The following RDH12 variants were observed in gnomAD, a reference collection of about 807,000 sequenced individuals.
RDH12 encodes all-trans and 9-cis retinol dehydrogenase.
RDH12 carries 21 observed loss-of-function variants against 34.0 expected under a neutral mutation model. The observed-to-expected ratio is 0.62, with a 90% CI of 0.44 to 0.89. RDH12 has a LOEUF of 0.89. RDH12 is among the 40% of genes least tolerant of loss of function. The probability of loss-of-function intolerance (pLI) is 0.00; values close to 1 mark genes in which losing one functional copy is unlikely to be tolerated. For synonymous variants in RDH12, 198 were observed against 169.9 expected (o/e 1.17, Z -1.29); for missense variants, 394 against 398.6 (o/e 0.99, Z 0.10).
chr14:67,719,381 AG>A (rs2038099764), intron 1 of RDH12, among the ~76,000 whole-genome samples: 1 of 152,254 alleles, frequency 6.6e-6, no homozygotes, highest in Admixed American at 6.5e-5. Flanking sequence ...GTAAGCCATC[AG>A]TCTTAAGACC....
In RDH12 at chr14:67,726,114, C is replaced by T. The variant is rs1206574200; in HGVS notation, c.407C>T (p.Thr136Ile). 1 of 1,613,948 alleles carries T rather than the reference C, an allele frequency of 6.2e-7. No individual in the cohort carries two copies. The highest frequency in any genetic ancestry group is 8.5e-7 in the Non-Finnish European group (1 of 1,179,928). ...AGVMMCPYSKTADGFETHLGV... is the reference protein window; with the variant it reads ...AGVMMCPYSKIADGFETHLGV... Reference sequence around the variant, plus strand: ...GTAATGATGTGTCCATATTCCAAGACAGCTGATGGCTTTGAAACCCACCTG... The same window carrying T: ...GTAATGATGTGTCCATATTCCAAGATAGCTGATGGCTTTGAAACCCACCTG... The change falls in exon 6 of 9, where the codon ACA (threonine) becomes ATA (isoleucine). Residue 136 changes from threonine to isoleucine, a missense_variant. Thr to Ile is a moderately conservative substitution (Grantham distance 89, BLOSUM62 -1). Transcript: ENST00000551171.
intron 1 of RDH12, chr14:67,706,001 G>A (rs2037946655): frequency 1.3e-5 from 2 of 152,236 alleles, no homozygotes; most frequent in South Asian, 2.1e-4. Flanking sequence ...TTGGGAGGAT[G>A]AGGTAGAAAG....
In RDH12 at chr14:67,733,886, T is replaced by C; in HGVS notation, c.*38T>C. The C allele has an allele frequency of 6.7e-7, 1 of 1,481,514 alleles. No homozygotes were observed. 91.8% of individuals were successfully genotyped at this position (1,481,514 alleles called of 1,614,324 possible). On this transcript the variant is annotated 3_prime_UTR_variant, in exon 9 of 9. Coordinates refer to ENST00000551171, the MANE Select transcript of RDH12 (RefSeq NM_152443.3). ...CTGCAGCTTTATCAGGCCCAATCCA[T>C]GCCATAATGAACAGGGACCAAGGAG...
At chr14:67,714,301 A>AT (rs931212419) in intron 1 of RDH12, among the ~76,000 whole-genome samples, 43 of 150,102 alleles carry the variant, frequency 2.9e-4, no homozygotes, top group Non-Finnish European at 4.6e-4. Context: ...TGGCCAGCTA[A>AT]TTTTTTTTTC....
In RDH12 at chr14:67,724,512, G is replaced by T; in HGVS notation, c.108G>T (p.Gln36His). ...FAGGVCRTNV[Q>H]LPGKVVVITG... Reference sequence around the variant, plus strand: ...GTGGAGTGTGTAGAACAAATGTGCAGCTTCCTGGCAAGGTAGTGGTGATCA... The same window carrying T: ...GTGGAGTGTGTAGAACAAATGTGCATCTTCCTGGCAAGGTAGTGGTGATCA... The change falls in exon 4 of 9, where the codon CAG (glutamine) becomes CAT (histidine). Residue 36 changes from glutamine to histidine, a missense_variant. By Grantham distance (24) the Gln-to-His change is conservative. Transcript: ENST00000551171. 1 of 1,612,264 alleles carries T rather than the reference G, an allele frequency of 6.2e-7. No homozygotes were observed. Among genetic ancestry groups the T allele is most frequent in the Non-Finnish European group, 8.5e-7 (1 of 1,179,042 alleles).
chr14:67,727,057 G>C lies in RDH12; in HGVS notation c.525G>C (p.Ser175=). The C allele has an allele frequency of 6.2e-7, 1 of 1,614,018 alleles. No homozygotes were observed. Among genetic ancestry groups the C allele is most frequent in the Non-Finnish European group, 8.5e-7 (1 of 1,180,038 alleles). ...SAPARVVNVS[S]VAHHIGKIPF... ...CTGCACGGGTGGTTAATGTGTCCTC[G>C]GTGGCTCACCACATTGGCAAGATTC... The change falls in exon 7 of 9, where the codon TCG becomes TCC. Residue 175 remains serine, a synonymous_variant. Coordinates refer to ENST00000551171, the MANE Select transcript of RDH12 (RefSeq NM_152443.3).
In RDH12 at chr14:67,729,400, T is replaced by G. The variant is rs1275281772; in HGVS notation, c.848+20T>G. 6.3e-7 allele frequency: 1 copy of G among 1,595,490 alleles called. No homozygotes were observed. Among genetic ancestry groups the G allele is most frequent in the South Asian group, 1.1e-5 (1 of 90,948 alleles). On this transcript the variant is annotated intron_variant, in intron 8 of 8. Coordinates refer to ENST00000551171, the MANE Select transcript of RDH12 (RefSeq NM_152443.3). ...CTTCAGGTGTGTGAAGGCAATGCGGTTCTCTCCACCACCTGTGTGCATGGG... is the reference window on the plus strand; with the variant it reads ...CTTCAGGTGTGTGAAGGCAATGCGGGTCTCTCCACCACCTGTGTGCATGGG...
At chr14:67,733,272 C>T (rs1373917159) in intron 8 of RDH12, among the ~76,000 whole-genome samples, 2 of 152,098 alleles carry the variant, frequency 1.3e-5, no homozygotes, top group Admixed American at 6.6e-5. Context: ...TGCATCTGTC[C>T]CCAGAATTCA....
intron 1 of RDH12, among the ~76,000 whole-genome samples, chr14:67,703,364 T>C (rs1459425598): frequency 6.6e-6 from 1 of 152,216 alleles, no homozygotes; most frequent in East Asian, 1.9e-4. Flanking sequence ...CAAATGAGTT[T>C]AGAGTTAGGT....
At chr14:67,727,594 T>C (rs986901504) in intron 7 of RDH12, 2 of 266,112 alleles carry the variant, frequency 7.5e-6, no homozygotes, top group Non-Finnish European at 1.5e-5. Context: ...GTGATTCTCC[T>C]GCATCAGCCT....
intron 3 of RDH12, among the ~76,000 whole-genome samples, chr14:67,724,140 C>T (rs1333398717): frequency 2.0e-5 from 3 of 152,176 alleles, no homozygotes; most frequent in African/African-American, 7.2e-5. Flanking sequence ...GGAAAGCTTT[C>T]CTCTGGAACC....
Position 67,722,420 on chromosome 14 carries a change from C to A in RDH12, c.-219-4C>A. 1 of 614,416 alleles carries A rather than the reference C, an allele frequency of 1.6e-6. No homozygotes were observed. The highest frequency in any genetic ancestry group is 2.9e-6 in the Non-Finnish European group (1 of 342,732). The allele number at this position is 614,416 out of a possible 1,614,324, so 38.1% of individuals were successfully genotyped here. On this transcript the variant is annotated splice_region_variant and splice_polypyrimidine_tract_variant and intron_variant, in intron 2 of 8. Coordinates refer to ENST00000551171, the MANE Select transcript of RDH12 (RefSeq NM_152443.3). ...AAACCTTGACTCCATCCCCTCCCCA[C>A]CAGGACTACATCTCCCAGCAGGCTG...
In RDH12 at chr14:67,704,288, C is replaced by A. The variant is rs1237305633; in HGVS notation, c.-275+2353C>A. On this transcript the variant is annotated intron_variant, in intron 1 of 8. Coordinates refer to ENST00000551171, the MANE Select transcript of RDH12 (RefSeq NM_152443.3). ...CTAGAGGCAAAAAGGAGAAAGCCTC[C>A]TAAATCATTAAAATTTTCAAATCGT... 2.0e-5 allele frequency among the ~76,000 whole-genome samples: 3 copies of A among 152,110 alleles called. No individual in the cohort carries two copies. In the East Asian group the frequency reaches 5.8e-4, roughly 29 times the overall value.
chr14:67,703,282 A>C (rs2037919562), intron 1 of RDH12, among the ~76,000 whole-genome samples: 1 of 152,220 alleles, frequency 6.6e-6, no homozygotes, highest in Non-Finnish European at 1.5e-5. Context: ...GAAGGCTGTG[A>C]GCCAAAATTT....
At chr14:67,707,042 A>T (rs2037957966) in intron 1 of RDH12, among the ~76,000 whole-genome samples, 1 of 152,224 alleles carries the variant, frequency 6.6e-6, no homozygotes, top group Admixed American at 6.5e-5. Context: ...GTAGGCAGGT[A>T]TGAAAGCGGT....
In RDH12 at chr14:67,724,453, CTT is replaced by C. The variant is rs1324027840; in HGVS notation, c.69-19_69-18del. 11 of 1,456,184 alleles carry C rather than the reference CTT, an allele frequency of 7.6e-6. No homozygotes were observed. Among genetic ancestry groups the C allele is most frequent in the Admixed American group, 3.5e-5 (2 of 57,930 alleles). The allele number at this position is 1,456,184 out of a possible 1,614,324, so 90.2% of individuals were successfully genotyped here. ...CTCGTGAAGGATGGTACGTGATGCT[CTT>C]GTTTCCCTTGCCGATAGGAAGTTCT... is the stretch of plus-strand genomic sequence containing the variant. On this transcript the variant is annotated intron_variant, in intron 3 of 8. Transcript: ENST00000551171.
chr14:67,707,985 G>C (rs547049157), intron 1 of RDH12, among the ~76,000 whole-genome samples: 1 of 152,174 alleles, frequency 6.6e-6, no homozygotes, highest in Non-Finnish European at 1.5e-5. Context: ...TCAAAGTCTT[G>C]ATAAAATAAC....
Position 67,722,521 on chromosome 14 carries a change from G to A in RDH12, c.-122G>A, listed in dbSNP as rs972966901. ...CAGGCTGCTGCTCAGCACCCAGGAC[G>A]GAGAGGAGCAGAGAAGCAGCAGAAG... On this transcript the variant is annotated 5_prime_UTR_variant, in exon 3 of 9. Transcript: ENST00000551171. 9 of 831,072 alleles carry A rather than the reference G, an allele frequency of 1.1e-5. No individual in the cohort carries two copies. The highest frequency in any genetic ancestry group is 1.9e-5 in the Non-Finnish European group (9 of 466,822). The allele number at this position is 831,072 out of a possible 1,614,324, so 51.5% of individuals were successfully genotyped here.
At chr14:67,708,243 CG>C (rs1250205106) in intron 1 of RDH12, among the ~76,000 whole-genome samples, 1 of 152,104 alleles carries the variant, frequency 6.6e-6, no homozygotes, top group East Asian at 1.9e-4. Flanking sequence ...GGATCAGCAA[CG>C]TTTTAAGCAA....
Sources: allele counts gnomAD v4.1 joint callset (sites outside exome capture counted in the v4.1 genomes callset), GRCh38; gene constraint gnomAD v4.1.1; transcripts MANE v1.5; gene names NCBI Gene and HGNC (gene_info 2026-07-23, HGNC 2026-07-21).